Variants in LRRC43 observed in about 807,000 individuals in gnomAD.
LRRC43 encodes the protein leucine-rich repeat-containing protein 43.
Under a neutral mutation model 64.3 loss-of-function variants are expected in LRRC43, and 62 were observed. The observed-to-expected ratio is 0.96, with a 90% CI of 0.79 to 1.19. The LOEUF (loss-of-function observed/expected upper bound fraction) is 1.19, where lower values mean the gene tolerates loss of function less well. Ranked by LOEUF, LRRC43 falls within the 50% of genes most tolerant of loss-of-function variation. The probability of loss-of-function intolerance (pLI) is 0.00; values close to 1 mark genes in which losing one functional copy is unlikely to be tolerated. For synonymous variants in LRRC43, 422 were observed against 382.3 expected (o/e 1.10, Z -1.21); for missense variants, 868 against 845.0 (o/e 1.03, Z -0.34).
intron 4 of LRRC43, among the ~76,000 whole-genome samples, chr12:122,189,751 C>T (rs945932128): frequency 6.6e-6 from 1 of 152,276 alleles, no homozygotes; most frequent in Non-Finnish European, 1.5e-5. Flanking sequence ...CACAACTCCC[C>T]CACGGTGGCT....
upstream of LRRC43, chr12:122,182,919 A>G: frequency 1.7e-6 from 1 of 602,872 alleles, no homozygotes; most frequent in East Asian, 3.4e-5. Flanking sequence ...GGAGCTAAGA[A>G]ACAGGTCAGC....
At chr12:122,189,872 G>A (rs781245743) in intron 4 of LRRC43, among the ~76,000 whole-genome samples, 55 of 152,276 alleles carry the variant, frequency 3.6e-4, no homozygotes, top group Non-Finnish European at 3.2e-4. Context: ...CAAGAAGAGA[G>A]GAGCCCCGTG....
intron 1 of LRRC43, among the ~76,000 whole-genome samples, chr12:122,175,758 C>G (rs901134355): frequency 8.6e-5 from 13 of 152,026 alleles, no homozygotes; most frequent in African/African-American, 3.1e-4. Flanking sequence ...CCTCCGCCTC[C>G]TGGGTTCAAG....
At chr12:122,173,087 C>T (rs565556698) in intron 1 of LRRC43, among the ~76,000 whole-genome samples, 4 of 152,286 alleles carry the variant, frequency 2.6e-5, no homozygotes, top group South Asian at 2.1e-4. Flanking sequence ...AAGCCACGCA[C>T]GCTCCACTTA....
upstream of LRRC43, among the ~76,000 whole-genome samples, chr12:122,179,375 C>T (rs894315622): frequency 6.6e-6 from 1 of 152,148 alleles, no homozygotes; most frequent in African/African-American, 2.4e-5. Flanking sequence ...CAAAGTGCTG[C>T]GACTGTAGGT....
At position 122,173,206 on chromosome 12, in the gene LRRC43, C is replaced by T. The variant is rs79586103; in HGVS notation, c.-406+5424C>T. On this transcript the variant is annotated intron_variant, in intron 1 of 5. Coordinates refer to the LRRC43 transcript ENST00000537729. The stretch of plus-strand genomic sequence containing the variant: ...CTCCCTCCCTTCCTCTTTCTAAGTA[C>T]TAACTAGAGTCAGACCAAATTGCCA... Among the ~76,000 whole-genome samples, 281 of 152,218 alleles carry T rather than the reference C, an allele frequency of 1.8e-3. 3 individuals are homozygous for T. The highest frequency in any genetic ancestry group is 6.4e-3 in the African/African-American group (267 of 41,514).
At chr12:122,181,061 C>CA (rs951995908), upstream of LRRC43, among the ~76,000 whole-genome samples, 21 of 150,650 alleles carry the variant, frequency 1.4e-4, no homozygotes, top group African/African-American at 4.6e-4. Flanking sequence ...ACTAAAAATA[C>CA]AAAAAAATTA....
chr12:122,168,328 C>T (rs1953457979), intron 1 of LRRC43, among the ~76,000 whole-genome samples: 1 of 151,420 alleles, frequency 6.6e-6, no homozygotes, highest in Non-Finnish European at 1.5e-5. Context: ...GTAATCCCAG[C>T]TACTTGGGAG....
rs35033444 is a variant in LRRC43 at position 122,184,095 on chromosome 12, ATTTT to A, written c.151-410_151-407del. Among the ~76,000 whole-genome samples, 7 of 137,760 alleles carry A rather than the reference ATTTT, an allele frequency of 5.1e-5. No homozygotes were observed. Among genetic ancestry groups the A allele is most frequent in the Non-Finnish European group, 9.4e-5 (6 of 63,956 alleles). 90.4% of individuals were successfully genotyped at this position (137,760 alleles called of 152,430 possible). Reference sequence around the variant, plus strand: ...AAATTATTGATTATTCACTGTCTAGATTTTTTTTTTTTTTTTTGAGACGGAGTCT... The same window carrying A: ...AAATTATTGATTATTCACTGTCTAGATTTTTTTTTTTTTGAGACGGAGTCT... On this transcript the variant is annotated intron_variant, in intron 1 of 11. Coordinates refer to ENST00000339777, the MANE Select transcript of LRRC43 (RefSeq NM_001098519.2). The surrounding 1 kb of genome is among the most constrained non-coding windows in gnomAD (Gnocchi z 4.0).
At position 122,200,896 on chromosome 12, in the gene LRRC43, G is replaced by A. The variant is rs767582329; in HGVS notation, c.1771G>A (p.Val591Ile). ...LVSTVCNFGV[V>I]RTLTSDRLTL... ...GTCCACCGTGTGCAACTTCGGCGTG[G>A]TCCGCACATTGACATCTGACAGGCT... Residue 591 changes from valine to isoleucine, a missense_variant, in exon 10 of 12, where the codon GTC (valine) becomes ATC (isoleucine). Val to Ile is a conservative substitution (Grantham distance 29). Coordinates refer to ENST00000339777, the MANE Select transcript of LRRC43 (RefSeq NM_001098519.2). The surrounding 1 kb of genome is among the most constrained non-coding windows in gnomAD (Gnocchi z 4.6). The A allele has an allele frequency of 4.5e-5, 72 of 1,611,216 alleles. No individual in the cohort carries two copies. Among genetic ancestry groups the A allele is most frequent in the Non-Finnish European group, 5.4e-5 (64 of 1,179,084 alleles).
At chr12:122,203,260 A>G in intron 11 of LRRC43, 55 bp from the exon 12 acceptor site, 1 of 1,589,818 alleles carries the variant, frequency 6.3e-7, no homozygotes, top group Non-Finnish European at 8.5e-7. Context: ...AGGGCGGCCG[A>G]GAACGCCAGC....
chr12:122,186,346 C>T, intron 3 of LRRC43, 46 bp downstream of exon 3: 1 of 1,282,506 alleles, frequency 7.8e-7, no homozygotes, highest in Non-Finnish European at 1.1e-6. Flanking sequence ...CTCCGCTGCC[C>T]AGAGGCCTTG....
chr12:122,172,646 G>A, intron 1 of LRRC43: 7 of 1,614,110 alleles, frequency 4.3e-6, no homozygotes, highest in Non-Finnish European at 5.9e-6. Context: ...ATGCCCGGAT[G>A]GCTGGGCTGT....
Position 122,183,286 on chromosome 12 carries a change from G to C in LRRC43, c.142G>C (p.Gly48Arg), listed in dbSNP as rs1454322635. The change falls in exon 1 of 12, where the codon GGC (glycine) becomes CGC (arginine). Residue 48 changes from glycine (G) to arginine (R), a missense_variant. Gly to Arg is a moderately radical substitution (Grantham distance 125). Coordinates refer to ENST00000339777, the MANE Select transcript of LRRC43 (RefSeq NM_001098519.2). ...LCLREFPCGA[G>R]SWNKSRFLPQ... is the part of the protein sequence containing the mutation. ...TCTGCGCGAGTTCCCGTGCGGTGCC[G>C]GCAGCTGGGTGCGGGCGCCGGGGCC... 8.5e-6 allele frequency: 13 copies of C among 1,522,640 alleles called. No homozygotes were observed. The highest frequency in any genetic ancestry group is 1.4e-5 in the African/African-American group (1 of 69,548). The allele number at this position is 1,522,640 out of a possible 1,614,324, so 94.3% of individuals were successfully genotyped here. A position where few individuals can be genotyped will look rare whatever the true frequency, so the allele number is the denominator to read the frequency against.
intron 1 of LRRC43, chr12:122,174,339 T>G (rs2136019269): frequency 1.3e-6 from 1 of 784,328 alleles, no homozygotes; most frequent in South Asian, 1.6e-5. Flanking sequence ...ACTCAAAAGT[T>G]CTACTGGCCA....
chr12:122,201,411 C>A, intron 11 of LRRC43, 82 bp downstream of exon 11: 1 of 1,291,546 alleles, frequency 7.7e-7, no homozygotes, highest in East Asian at 2.3e-5. Context: ...GCCAAAGGAA[C>A]CAAAGGGTGG....
Position 122,192,753 on chromosome 12 carries a change from G to A in LRRC43, c.1098G>A (p.Lys366=), listed in dbSNP as rs760039969. The A allele has an allele frequency of 1.4e-5, 23 of 1,613,158 alleles. No individual in the cohort carries two copies. The highest frequency in any genetic ancestry group is 1.6e-5 in the Non-Finnish European group (19 of 1,179,314). Residue 366 remains lysine (K), a synonymous_variant, in exon 7 of 12, where the codon AAG becomes AAA. Transcript: ENST00000339777. The part of the protein sequence containing the change: ...ESAGVLAEIV[K]PSPSLELLVE... ...TCTGTCTCTTCCTGCAGATCGTCAAGCCCTCTCCCAGCTTAGAATTATTAG... is the reference window on the plus strand; with the variant it reads ...TCTGTCTCTTCCTGCAGATCGTCAAACCCTCTCCCAGCTTAGAATTATTAG...
chr12:122,183,990 C>CT (rs1380030000), intron 1 of LRRC43, among the ~76,000 whole-genome samples: 1 of 152,082 alleles, frequency 6.6e-6, no homozygotes, highest in Non-Finnish European at 1.5e-5. Flanking sequence ...ATCCACCTGC[C>CT]TTTTTAAAAG....
intron 4 of LRRC43, among the ~76,000 whole-genome samples, chr12:122,188,820 T>C (rs1454674539): frequency 6.6e-6 from 1 of 152,160 alleles, no homozygotes; most frequent in African/African-American, 2.4e-5. Flanking sequence ...TGTGGGGCTG[T>C]CCTGGGCATG....
Sources: gnomAD v4.1 joint callset for allele counts (sites outside exome capture counted in the v4.1 genomes callset) on GRCh38, gnomAD v4.1.1 for gene constraint, Gnocchi (gnomAD v3.1) non-coding constraint, MANE v1.5 for transcripts, NCBI Gene and HGNC (gene_info 2026-07-23, HGNC 2026-07-21) for gene names.